ZNF714: variants seen among roughly 807,000 people sequenced by gnomAD.
ZNF714 encodes the protein zinc finger protein 714.
In ZNF714, 32 loss-of-function variants were observed where a neutral mutation model predicts 46.2. The observed-to-expected ratio is 0.69, with a 90% confidence interval of 0.52 to 0.93. ZNF714 has a LOEUF of 0.93. Among genes scored for constraint, ZNF714 ranks in the 40% least tolerant of loss-of-function variants. The probability of loss-of-function intolerance (pLI) is 0.00; values close to 1 mark genes in which losing one functional copy is unlikely to be tolerated. For synonymous variants in ZNF714, 199 were observed against 213.1 expected (o/e 0.93, Z 0.58); for missense variants, 635 against 646.3 (o/e 0.98, Z 0.19).
chr19:21,117,850 C>A lies in ZNF714; in HGVS notation c.1186C>A (p.Pro396Thr), dbSNP rs775426038. 1.9e-6 allele frequency: 3 copies of A among 1,611,888 alleles called. No homozygotes were observed. The South Asian group carries it at 3.3e-5, about 18-fold the overall frequency. Residue 396 changes from proline to threonine, a missense_variant, in exon 5 of 5, where the codon CCT (proline) becomes ACT (threonine). Physicochemically the swap from Pro to Thr is conservative, Grantham distance 38. Transcript: ENST00000456283. ...IHKIIHTGEKPYKCEECGKAF... is the reference protein window; with the variant it reads ...IHKIIHTGEKTYKCEECGKAF... ...TAAGATAATTCATACTGGAGAGAAA[C>A]CTTACAAATGTGAAGAATGTGGCAA...
chr19:21,112,345 C>T (rs1376564335), intron 4 of ZNF714, among the ~76,000 whole-genome samples: 1 of 152,048 alleles, frequency 6.6e-6, no homozygotes, highest in Non-Finnish European at 1.5e-5. Context: ...AGCAGTTTAT[C>T]CATTTCTTCT....
intron 4 of ZNF714, among the ~76,000 whole-genome samples, chr19:21,109,972 C>T (rs1454277956): frequency 1.3e-5 from 2 of 152,166 alleles, no homozygotes; most frequent in Non-Finnish European, 2.9e-5. Context: ...ATACGTACCA[C>T]GTTTTCTTTA....
intron 2 of ZNF714, among the ~76,000 whole-genome samples, chr19:21,092,114 C>T (rs1333311841): frequency 6.6e-6 from 1 of 152,150 alleles, no homozygotes; most frequent in Non-Finnish European, 1.5e-5. Flanking sequence ...TGTACACAGG[C>T]TTTCACACTG....
rs775516212 is a variant in ZNF714, at chr19:21,117,718, G to T, written c.1054G>T (p.Val352Leu). 1 of 1,585,612 alleles carries T rather than the reference G, an allele frequency of 6.3e-7. No homozygotes were observed. The highest frequency in any genetic ancestry group is 1.1e-5 in the South Asian group (1 of 89,646). ...KCEECGKAFN[V>L]SSHLTTHKMI... is the part of the protein sequence containing the mutation. ...TGAAGAATGTGGCAAAGCCTTTAAT[G>T]TGTCTTCACACCTTACTACACATAA... The change falls in exon 5 of 5, where the codon GTG becomes TTG. Residue 352 changes from valine to leucine, a missense_variant. Physicochemically the swap from Val to Leu is conservative, Grantham distance 32. Coordinates refer to ENST00000456283, the MANE Select transcript of ZNF714 (RefSeq NM_182515.4).
In ZNF714 at chr19:21,107,565, G is replaced by T. The variant is rs539504984; in HGVS notation, c.142+8655G>T. Among the ~76,000 whole-genome samples the T allele has an allele frequency of 4.2e-4, 62 of 145,934 alleles. 1 individual carries two copies. Among genetic ancestry groups the T allele is most frequent in the African/African-American group, 1.7e-3 (61 of 35,570 alleles). ...TAGACAAGATTTCTATAATGAAACT[G>T]TACTTTTGGGATTTTTAAAGAGCTT... On this transcript the variant is annotated intron_variant, in intron 4 of 4. Transcript: ENST00000456283.
At chr19:21,100,270 TC>T in intron 4 of ZNF714, among the ~76,000 whole-genome samples, 1 of 152,100 alleles carries the variant, frequency 6.6e-6, no homozygotes, top group African/African-American at 2.4e-5. Flanking sequence ...ACACCTGTAA[TC>T]CCAGCTCTTT....
intron 4 of ZNF714, among the ~76,000 whole-genome samples, chr19:21,101,493 T>C (rs1335687725): frequency 6.6e-6 from 1 of 152,194 alleles, no homozygotes; most frequent in Non-Finnish European, 1.5e-5. Context: ...GTGTCTGCAG[T>C]TGGCTCCATA....
intron 2 of ZNF714, among the ~76,000 whole-genome samples, chr19:21,093,131 C>T (rs1046934047): frequency 2.6e-5 from 4 of 151,996 alleles, no homozygotes; most frequent in African/African-American, 9.7e-5. Context: ...ATCTCAATCT[C>T]CTGACCTTGT....
intron 4 of ZNF714, among the ~76,000 whole-genome samples, chr19:21,105,527 G>A (rs754549457): frequency 6.6e-6 from 1 of 151,684 alleles, no homozygotes; most frequent in Non-Finnish European, 1.5e-5. Context: ...TCTTTCCTTT[G>A]TTGCATATGC....
intron 4 of ZNF714, among the ~76,000 whole-genome samples, chr19:21,110,949 GTC>G (rs1969437856): frequency 6.6e-6 from 1 of 152,086 alleles, no homozygotes; most frequent in African/African-American, 2.4e-5. Context: ...TGGTCTATGT[GTC>G]TGTTTTTATA....
At chr19:21,089,025 T>A (rs1249155888) in intron 2 of ZNF714, among the ~76,000 whole-genome samples, 1 of 152,206 alleles carries the variant, frequency 6.6e-6, no homozygotes, top group Non-Finnish European at 1.5e-5. Flanking sequence ...TTCCCCATAA[T>A]TGCCCTTAGC....
chr19:21,085,680 C>T (rs1599525724), intron 2 of ZNF714, among the ~76,000 whole-genome samples: 1 of 106,972 alleles, frequency 9.3e-6, no homozygotes, highest in African/African-American at 3.1e-5. Context: ...GGGGGATGCT[C>T]CCCTGCAGAT....
intron 4 of ZNF714, among the ~76,000 whole-genome samples, chr19:21,106,788 T>G (rs1208069415): frequency 6.6e-6 from 1 of 152,050 alleles, no homozygotes; most frequent in Non-Finnish European, 1.5e-5. Context: ...TGCCTTTGTG[T>G]CAGTACCATA....
intron 4 of ZNF714, among the ~76,000 whole-genome samples, chr19:21,099,354 A>G (rs1363252741): frequency 6.6e-6 from 1 of 151,850 alleles, no homozygotes; most frequent in Admixed American, 6.6e-5. Flanking sequence ...ATTGTTTTGT[A>G]TTTTTAGTAG....
chr19:21,114,029 C>A (rs1165453405), intron 4 of ZNF714, among the ~76,000 whole-genome samples: 1 of 152,134 alleles, frequency 6.6e-6, no homozygotes, highest in Non-Finnish European at 1.5e-5. Context: ...CTTTATAGTT[C>A]TCTAAGAATG....
At chr19:21,083,042 A>ATTT (rs71176807) in intron 1 of ZNF714, among the ~76,000 whole-genome samples, 1 of 148,418 alleles carries the variant, frequency 6.7e-6, no homozygotes, top group African/African-American at 2.5e-5. Flanking sequence ...CCTCAGTTAG[A>ATTT]TTTTTTTTTT....
At chr19:21,105,438 C>T (rs1969287697) in intron 4 of ZNF714, among the ~76,000 whole-genome samples, 1 of 152,012 alleles carries the variant, frequency 6.6e-6, no homozygotes, top group Admixed American at 6.6e-5. Context: ...TCACCCACTT[C>T]CTAGATGACA....
Position 21,116,855 on chromosome 19 carries a change from A to G in ZNF714, c.191A>G (p.Lys64Arg), listed in dbSNP as rs1254249465. ...GACCTTTGGCCAGAGCAAGACATAA[A>G]AGATTCTTTTCAACAAGTGATACTG... ...TRDLWPEQDI[K>R]DSFQQVILRR... The change falls in exon 5 of 5, where the codon AAA (lysine) becomes AGA (arginine). Residue 64 changes from lysine to arginine, a missense_variant. Lys to Arg is a conservative substitution (Grantham distance 26). Coordinates refer to ENST00000456283, the MANE Select transcript of ZNF714 (RefSeq NM_182515.4). The G allele has an allele frequency of 3.7e-6, 6 of 1,612,200 alleles. No homozygotes were observed.
intron 4 of ZNF714, among the ~76,000 whole-genome samples, chr19:21,111,595 G>A (rs372044957): frequency 3.9e-5 from 6 of 152,030 alleles, no homozygotes; most frequent in African/African-American, 7.2e-5. Context: ...GCCTGATTTC[G>A]CTGGCTGGAA....
Sources: allele counts gnomAD v4.1 joint callset (sites outside exome capture counted in the v4.1 genomes callset), GRCh38; gene constraint gnomAD v4.1.1; transcripts MANE v1.5; gene names NCBI Gene and HGNC (gene_info 2026-07-23, HGNC 2026-07-21).